The following NDUFAF6 variants were observed in gnomAD, a reference collection of about 807,000 sequenced individuals.
NDUFAF6 encodes the protein NADH:ubiquinone oxidoreductase complex assembly factor 6, also known as NADH dehydrogenase (ubiquinone) complex I, assembly factor 6.
NDUFAF6 carries 45 observed loss-of-function variants against 40.8 expected under a neutral mutation model. The ratio of observed to expected loss-of-function variants is 1.10; its 90% CI spans 0.87 to 1.42. NDUFAF6 has a LOEUF of 1.42. Among genes scored for constraint, NDUFAF6 ranks in the 40% most tolerant of loss-of-function variants. The probability of loss-of-function intolerance (pLI) is 0.00; values close to 1 mark genes in which losing one functional copy is unlikely to be tolerated. For synonymous variants in NDUFAF6, 185 were observed against 155.9 expected (o/e 1.19, Z -1.39); for missense variants, 435 against 418.5 (o/e 1.04, Z -0.34).
At chr8:94,972,375 G>A (rs1166222906) in intron 1 of NDUFAF6, among the ~76,000 whole-genome samples, 1 of 152,106 alleles carries the variant, frequency 6.6e-6, no homozygotes, top group Admixed American at 6.6e-5. Context: ...CCAAGTAGCT[G>A]GGATTACAGG....
intron 2 of NDUFAF6, among the ~76,000 whole-genome samples, chr8:95,017,231 A>C (rs1390424765): frequency 6.7e-6 from 1 of 149,970 alleles, no homozygotes; most frequent in Middle Eastern, 3.3e-3. Context: ...ATGAGCCACC[A>C]CGCCCCGCCC....
downstream of NDUFAF6, among the ~76,000 whole-genome samples, chr8:95,063,348 C>CT (rs1435102615): frequency 1.3e-5 from 2 of 152,224 alleles, no homozygotes; most frequent in Non-Finnish European, 2.9e-5. Context: ...CGCCTGTAAT[C>CT]TCAACACTTT....
chr8:95,088,567 C>T (rs891356742), intron 2 of NDUFAF6, among the ~76,000 whole-genome samples: 10 of 152,068 alleles, frequency 6.6e-5, no homozygotes, highest in African/African-American at 2.4e-4. Context: ...GATGCTGCAG[C>T]CCATTCCCCT....
intron 9 of NDUFAF6, among the ~76,000 whole-genome samples, chr8:95,066,287 C>CTTTT (rs11302193): frequency 7.1e-4 from 59 of 82,900 alleles, no homozygotes; most frequent in African/African-American, 1.5e-3. Context: ...TGCTTGCTTG[C>CTTTT]TTTTTTTTTT....
intron 1 of NDUFAF6, among the ~76,000 whole-genome samples, chr8:94,900,663 G>A (rs994735744): frequency 6.6e-6 from 1 of 152,208 alleles, no homozygotes; most frequent in Non-Finnish European, 1.5e-5. Context: ...TCTGGGCGGG[G>A]CCCTGCTCTC....
intron 2 of NDUFAF6, among the ~76,000 whole-genome samples, chr8:94,996,979 C>T (rs528632211): frequency 1.3e-5 from 2 of 152,262 alleles, no homozygotes; most frequent in African/African-American, 4.8e-5. Flanking sequence ...AGCCCCAGTA[C>T]CTGGTGGTTT....
At chr8:95,096,327 A>T (rs1217691688), upstream of NDUFAF6, among the ~76,000 whole-genome samples, 1 of 152,174 alleles carries the variant, frequency 6.6e-6, no homozygotes, top group Non-Finnish European at 1.5e-5. Flanking sequence ...TGGGGAGGTC[A>T]GGCAGAGAAG....
chr8:95,075,541 G>A, intron 9 of NDUFAF6: 1 of 1,098,532 alleles, frequency 9.1e-7, no homozygotes, highest in South Asian at 1.3e-5. Context: ...ATCCTCCCCA[G>A]GCCAACCATA....
At chr8:95,041,379 T>C (rs964508617) in intron 3 of NDUFAF6, among the ~76,000 whole-genome samples, 191 bp from the exon 4 acceptor site, 9 of 152,262 alleles carry the variant, frequency 5.9e-5, no homozygotes, top group Admixed American at 2.6e-4. Flanking sequence ...TATAGTCTTA[T>C]AAATGTTTTG....
chr8:94,992,768 A>G (rs1468756653), intron 2 of NDUFAF6, among the ~76,000 whole-genome samples: 1 of 152,210 alleles, frequency 6.6e-6, no homozygotes, highest in Non-Finnish European at 1.5e-5. Context: ...TGGTTCGCTC[A>G]TAATTCTCTG....
chr8:95,019,810 C>T (rs1190272571), intron 2 of NDUFAF6, among the ~76,000 whole-genome samples: 3 of 152,282 alleles, frequency 2.0e-5, no homozygotes, highest in East Asian at 1.9e-4. Context: ...TTCCATACTA[C>T]GTGTATAACC....
chr8:94,902,070 A>G (rs1267143719), intron 1 of NDUFAF6, among the ~76,000 whole-genome samples: 1 of 152,062 alleles, frequency 6.6e-6, no homozygotes, highest in Non-Finnish European at 1.5e-5. Context: ...AAAAAAGGAG[A>G]TATCAGTACA....
At chr8:95,002,347 C>T (rs1826774573) in intron 2 of NDUFAF6, among the ~76,000 whole-genome samples, 1 of 152,178 alleles carries the variant, frequency 6.6e-6, no homozygotes, top group African/African-American at 2.4e-5. Context: ...CGCTGTGAGC[C>T]CTCAAGAGCA....
At chr8:95,039,578 A>G (rs976525053) in intron 3 of NDUFAF6, among the ~76,000 whole-genome samples, 4 of 151,524 alleles carry the variant, frequency 2.6e-5, no homozygotes, top group Non-Finnish European at 4.4e-5. Context: ...GCCCCGGCCT[A>G]ATATTTTCTA....
intron 2 of NDUFAF6, among the ~76,000 whole-genome samples, chr8:95,094,749 T>G (rs1393705875): frequency 8.2e-6 from 1 of 121,440 alleles, no homozygotes; most frequent in Non-Finnish European, 1.6e-5. Context: ...CTTCTTCTTC[T>G]TCTTTTTTTT....
chr8:95,075,536 C>T, intron 9 of NDUFAF6: 1 of 1,048,802 alleles, frequency 9.5e-7, no homozygotes, highest in Non-Finnish European at 1.3e-6. Context: ...ATTTTATCCT[C>T]CCCAGGCCAA....
intron 2 of NDUFAF6, among the ~76,000 whole-genome samples, chr8:95,016,015 G>C (rs747874473): frequency 6.6e-6 from 1 of 152,102 alleles, no homozygotes; most frequent in Admixed American, 6.5e-5. Context: ...CTGTTATCCC[G>C]GATGCTTACC....
At chr8:95,032,994 C>T (rs1474829375) in intron 2 of NDUFAF6, among the ~76,000 whole-genome samples, 3 of 151,850 alleles carry the variant, frequency 2.0e-5, no homozygotes, top group African/African-American at 7.3e-5. Context: ...CACAGTTTAG[C>T]CATAAATAGT....
downstream of NDUFAF6, among the ~76,000 whole-genome samples, chr8:95,080,662 T>TGGTAGTGATTTTTGGTAG (rs1460123274): frequency 1.4e-3 from 218 of 151,026 alleles, 3 homozygotes; most frequent in African/African-American, 5.0e-3. Context: ...TAGTGTATTT[T>TGGTAGTGATTTTTGGTAG]TGTAGTGTAT....
Sources: gnomAD v4.1 joint callset for allele counts (sites outside exome capture counted in the v4.1 genomes callset) on GRCh38, gnomAD v4.1.1 for gene constraint, MANE v1.5 for transcripts, NCBI Gene and HGNC (gene_info 2026-07-23, HGNC 2026-07-21) for gene names.